Variants in PAXIP1 observed in about 807,000 individuals in gnomAD.
PAXIP1 encodes PAX-interacting protein 1.
A neutral mutation model predicts 140.6 loss-of-function variants in PAXIP1; 19 were observed. The observed-to-expected ratio is 0.14, with a 90% CI of 0.09 to 0.20. PAXIP1 has a LOEUF of 0.20. Among genes scored for constraint, PAXIP1 ranks in the 10% least tolerant of loss-of-function variants. The pLI, the probability that PAXIP1 is intolerant of heterozygous loss-of-function variation, is 1.00. For missense variants in PAXIP1, 920 were observed against 1,208.6 expected, an observed-to-expected ratio of 0.76 and a Z score of 3.54; for synonymous variants, 442 against 444.6, an observed-to-expected ratio of 0.99 and a Z score of 0.07.
intron 2 of PAXIP1, among the ~76,000 whole-genome samples, chr7:154,996,295 T>C (rs566472615): frequency 6.6e-6 from 1 of 152,324 alleles, no homozygotes; most frequent in African/African-American, 2.4e-5. Context: ...CCCTGGACAA[T>C]ACAGGTGCTG....
At chr7:154,975,521 CAT>C (rs1422936715) in intron 6 of PAXIP1, among the ~76,000 whole-genome samples, 173 bp downstream of exon 6, 3 of 43,396 alleles carry the variant, frequency 6.9e-5, no homozygotes, top group South Asian at 1.1e-3. Context: ...CATATATACA[CAT>C]ACACACACAC....
At position 154,975,821 on chromosome 7, in the gene PAXIP1, G is replaced by T; in HGVS notation, c.949C>A (p.Gln317Lys). 1.9e-6 allele frequency: 3 copies of T among 1,613,886 alleles called. No homozygotes were observed. Among genetic ancestry groups the T allele is most frequent in the Non-Finnish European group, 2.5e-6 (3 of 1,179,844 alleles). ...GATCTTTCAGAACTTTGGAGGTTTT[G>T]TCCAGCAGCCATTAAATTACCCCGG... ...EVRGNLMAAG[Q>K]NLQSSERSEM... The change falls in exon 6 of 21, where the codon CAA becomes AAA. Residue 317 changes from glutamine (Q) to lysine (K), a missense_variant. Physicochemically the swap from Gln to Lys is moderately conservative, Grantham distance 53. Around this residue, in one of 5 missense-constraint regions of PAXIP1, gnomAD observed 419 missense variants for 514.7 expected, o/e 0.81. Coordinates refer to ENST00000404141, the MANE Select transcript of PAXIP1 (RefSeq NM_007349.4).
chr7:154,991,839 T>C lies in PAXIP1; in HGVS notation c.261-770A>G, dbSNP rs1375072255. On this transcript the variant is annotated intron_variant, in intron 3 of 20. Coordinates refer to ENST00000404141, the MANE Select transcript of PAXIP1 (RefSeq NM_007349.4). ...AATTCAAAATGGGTTAAAGTATTAC[T>C]TCTCTTTCCCTATAGGAGTAAAGTA... is the stretch of plus-strand genomic sequence containing the variant. Among the ~76,000 whole-genome samples the C allele has an allele frequency of 2.6e-5, 4 of 152,256 alleles. 1 individual carries two copies. Among genetic ancestry groups the C allele is most frequent in the Middle Eastern group, 6.8e-3 (2 of 294 alleles).
chr7:154,943,722 G>A lies in PAXIP1; in HGVS notation c.*427C>T, dbSNP rs1807797026. 1 of 160,534 alleles carries A rather than the reference G, an allele frequency of 6.2e-6. No individual in the cohort carries two copies. The highest frequency in any genetic ancestry group is 1.4e-5 in the Non-Finnish European group (1 of 73,326). The allele number at this position is 160,534 out of a possible 1,614,324, so 9.9% of individuals were successfully genotyped here. On this transcript the variant is annotated 3_prime_UTR_variant, in exon 21 of 21. Coordinates refer to ENST00000404141, the MANE Select transcript of PAXIP1 (RefSeq NM_007349.4). ...AAAAGTACATTTATTTAAAATGTGG[G>A]CAAGATATCAATATAAAAGAAAACA...
intron 8 of PAXIP1, chr7:154,967,573 C>T (rs1809078287): frequency 2.1e-5 from 10 of 478,158 alleles, no homozygotes; most frequent in Non-Finnish European, 3.0e-5. Context: ...TAATTAGTGC[C>T]CCCTGGAATT....
At chr7:154,962,232 C>T (rs536382884) in intron 10 of PAXIP1, 89 bp downstream of exon 10, 83 of 1,427,218 alleles carry the variant, frequency 5.8e-5, no homozygotes, top group South Asian at 2.7e-4. Flanking sequence ...CAGAAGCCAA[C>T]GCAGGAGCCT....
In PAXIP1 at chr7:155,002,879, C is replaced by G; in HGVS notation, c.51G>C (p.Lys17Asn). ...GGTCGATGTCGCCCACCGCGTAATA[C>G]TTGACCTCCCTGAACATCTCCTCAG... ...KVPEEMFREVKYYAVGDIDPQ... is the reference protein window; with the variant it reads ...KVPEEMFREVNYYAVGDIDPQ... Residue 17 changes from lysine (K) to asparagine (N), a missense_variant, in exon 1 of 21, where the codon AAG becomes AAC. Transcript: ENST00000404141. 7.0e-7 allele frequency: 1 copy of G among 1,418,790 alleles called. No individual in the cohort carries two copies. Among genetic ancestry groups the G allele is most frequent in the South Asian group, 1.3e-5 (1 of 74,582 alleles). The allele number at this position is 1,418,790 out of a possible 1,614,324, so 87.9% of individuals were successfully genotyped here.
At chr7:154,983,935 A>G (rs1472267806) in intron 4 of PAXIP1, among the ~76,000 whole-genome samples, 1 of 152,220 alleles carries the variant, frequency 6.6e-6, no homozygotes, top group Non-Finnish European at 1.5e-5. Flanking sequence ...TCCAGATACA[A>G]TGGCTTATGC....
chr7:154,978,913 T>G (rs897751193), intron 5 of PAXIP1, among the ~76,000 whole-genome samples: 5 of 152,188 alleles, frequency 3.3e-5, no homozygotes, highest in Non-Finnish European at 5.9e-5. Flanking sequence ...GAGTTCCTAG[T>G]TTGTATAGAA....
rs887911577 is a variant in PAXIP1 at position 155,002,962 on chromosome 7, G to C, written c.-33C>G. ...GCGGCCCGGGAGGCTCCGCGGCGGCGCCCGGCCCCGCCCACCCCCCGCCCC... is the reference window on the plus strand; with the variant it reads ...GCGGCCCGGGAGGCTCCGCGGCGGCCCCCGGCCCCGCCCACCCCCCGCCCC... On this transcript the variant is annotated 5_prime_UTR_variant, in exon 1 of 21. Coordinates refer to ENST00000404141, the MANE Select transcript of PAXIP1 (RefSeq NM_007349.4). 9.9e-7 allele frequency: 1 copy of C among 1,008,880 alleles called. No individual in the cohort carries two copies. The highest frequency in any genetic ancestry group is 4.3e-5 in the Admixed American group (1 of 23,180). 62.5% of individuals were successfully genotyped at this position (1,008,880 alleles called of 1,614,324 possible).
chr7:154,945,625 G>GCTCGGCT, intron 20 of PAXIP1: 1 of 983,976 alleles, frequency 1.0e-6, no homozygotes, highest in Non-Finnish European at 1.2e-6. Flanking sequence ...GAGAGGAGGA[G>GCTCGGCT]CTCCAGCCTC....
At chr7:154,957,951 G>A (rs1242638935) in intron 13 of PAXIP1, among the ~76,000 whole-genome samples, 1 of 139,446 alleles carries the variant, frequency 7.2e-6, no homozygotes, top group Non-Finnish European at 1.5e-5. Flanking sequence ...TCTGGCCTGG[G>A]CGACAGAGCG....
intron 10 of PAXIP1, 81 bp downstream of exon 10, chr7:154,962,240 C>G: frequency 6.7e-7 from 1 of 1,488,118 alleles, no homozygotes. Context: ...AACGCAGGAG[C>G]CTCAGGTAAG....
chr7:154,958,347 G>A (rs1808620953), intron 13 of PAXIP1, among the ~76,000 whole-genome samples: 1 of 152,130 alleles, frequency 6.6e-6, no homozygotes, highest in Non-Finnish European at 1.5e-5. Flanking sequence ...GACTTGTGTG[G>A]GCCAACCATG....
intron 6 of PAXIP1, among the ~76,000 whole-genome samples, chr7:154,969,657 CAG>C (rs1383062210): frequency 6.6e-6 from 1 of 152,206 alleles, no homozygotes; most frequent in East Asian, 1.9e-4. Flanking sequence ...TCTTACAGCC[CAG>C]AGTCTAGTAA....
At chr7:154,999,681 G>GT (rs1295341645) in intron 1 of PAXIP1, among the ~76,000 whole-genome samples, 1 of 152,198 alleles carries the variant, frequency 6.6e-6, no homozygotes, top group Non-Finnish European at 1.5e-5. Flanking sequence ...AGGCTGGCAG[G>GT]TGGGGACACA....
chr7:154,955,741 G>A (rs1051650394), intron 14 of PAXIP1, 110 bp from the exon 15 acceptor site: 6 of 561,874 alleles, frequency 1.1e-5, no homozygotes, highest in Non-Finnish European at 1.6e-5. Context: ...AACTGCATGT[G>A]GTTTTTATTC....
chr7:154,974,334 T>C (rs369538925), intron 6 of PAXIP1: 1 of 152,270 alleles, frequency 6.6e-6, no homozygotes, highest in East Asian at 1.9e-4. Context: ...ACAGAGTGCA[T>C]CTCACCCCAA....
intron 2 of PAXIP1, among the ~76,000 whole-genome samples, chr7:154,995,661 C>A (rs765422310): frequency 6.6e-6 from 1 of 152,084 alleles, no homozygotes; most frequent in Admixed American, 6.5e-5. Context: ...ACCAGCCTGG[C>A]CAACATGGTG....
Sources: allele counts gnomAD v4.1 joint callset (sites outside exome capture counted in the v4.1 genomes callset), GRCh38; gene constraint gnomAD v4.1.1; regional missense constraint gnomAD v4.1.1; transcripts MANE v1.5; gene names NCBI Gene and HGNC (gene_info 2026-07-23, HGNC 2026-07-21).